CACNB2: variants seen among roughly 807,000 people sequenced by gnomAD.
The protein encoded by CACNB2 is voltage-dependent L-type calcium channel subunit beta-2.
Under a neutral mutation model 73.3 loss-of-function variants are expected in CACNB2, and 42 were observed. The observed-to-expected ratio is 0.57, with a 90% CI of 0.45 to 0.74. The LOEUF (loss-of-function observed/expected upper bound fraction) is 0.74, where lower values mean the gene tolerates loss of function less well. Among genes scored for constraint, CACNB2 ranks in the 30% least tolerant of loss-of-function variants. The pLI is 0.00. For synonymous variants in CACNB2, 348 were observed against 310.3 expected, an observed-to-expected ratio of 1.12 and a Z score of -1.28; for missense variants, 940 against 853.0, an observed-to-expected ratio of 1.10 and a Z score of -1.27.
At chr10:18,221,025 C>G (rs536723173) in intron 2 of CACNB2, among the ~76,000 whole-genome samples, 67 of 152,232 alleles carry the variant, frequency 4.4e-4, no homozygotes, top group African/African-American at 1.6e-3. Context: ...AGAAATCAAC[C>G]TGGATGGGGG....
chr10:18,517,952 C>T (rs2051444741), intron 7 of CACNB2, among the ~76,000 whole-genome samples: 1 of 152,192 alleles, frequency 6.6e-6, no homozygotes, highest in Non-Finnish European at 1.5e-5. Flanking sequence ...ATCACTACAA[C>T]TCTTTAGAAA....
Position 18,443,530 on chromosome 10 carries a change from C to G in CACNB2, c.333+41487C>G, listed in dbSNP as rs558407896. Among the ~76,000 whole-genome samples, 8 of 152,232 alleles carry G rather than the reference C, an allele frequency of 5.3e-5. No homozygotes were observed. The East Asian group carries it at 1.5e-3, about 29-fold the overall frequency. On this transcript the variant is annotated intron_variant, in intron 3 of 13. Transcript: ENST00000324631. ...AGGGGAAAGTGTAGACCCAACTCCT[C>G]AGATTGTCTTAAATAATTTGAGTAA...
chr10:18,491,258 A>G (rs529642186), intron 3 of CACNB2, among the ~76,000 whole-genome samples: 1 of 152,304 alleles, frequency 6.6e-6, no homozygotes, highest in South Asian at 2.1e-4. Context: ...GAGCTGAACC[A>G]TGCCCCAGGG....
At chr10:18,409,366 G>A (rs991888527) in intron 3 of CACNB2, among the ~76,000 whole-genome samples, 6 of 151,322 alleles carry the variant, frequency 4.0e-5, no homozygotes, top group Non-Finnish European at 8.8e-5. Context: ...TTGAACTCCT[G>A]GGCTCAAGTA....
intron 2 of CACNB2, among the ~76,000 whole-genome samples, chr10:18,338,863 C>A (rs904914973): frequency 9.9e-5 from 15 of 151,588 alleles, no homozygotes; most frequent in Non-Finnish European, 1.9e-4. Context: ...CTCAGCCTCC[C>A]AAGTAGCTGG....
intron 3 of CACNB2, among the ~76,000 whole-genome samples, chr10:18,443,000 G>GTATA (rs1175184436): frequency 0.02 from 76 of 3,788 alleles, 5 homozygotes; most frequent in East Asian, 0.054. Context: ...ATATATATGT[G>GTATA]TATATATATA....
chr10:18,290,433 T>A (rs2039018572), intron 2 of CACNB2, among the ~76,000 whole-genome samples: 1 of 152,140 alleles, frequency 6.6e-6, no homozygotes, highest in African/African-American at 2.4e-5. Flanking sequence ...AAAAGTGACA[T>A]CCAGTTTCTG....
intron 2 of CACNB2, among the ~76,000 whole-genome samples, chr10:18,159,869 A>C (rs553560323): frequency 6.6e-6 from 1 of 152,260 alleles, no homozygotes; most frequent in South Asian, 2.1e-4. Flanking sequence ...AATTCAGTAG[A>C]TTTATTGCCA....
At chr10:18,442,948 ATATATATATG>A (rs2046505769) in intron 3 of CACNB2, among the ~76,000 whole-genome samples, 3 of 35,574 alleles carry the variant, frequency 8.4e-5, no homozygotes, top group East Asian at 2.4e-3. Context: ...ATATGTGTAT[ATATATATATG>A]TATATATATA....
chr10:18,378,427 C>T (rs551787859), intron 2 of CACNB2, among the ~76,000 whole-genome samples: 6 of 152,082 alleles, frequency 3.9e-5, no homozygotes, highest in African/African-American at 1.4e-4. Context: ...AAAATATGTA[C>T]GTCAATTAAT....
intron 2 of CACNB2, among the ~76,000 whole-genome samples, chr10:18,374,367 G>T (rs1250572872): frequency 1.3e-5 from 2 of 152,160 alleles, no homozygotes; most frequent in Non-Finnish European, 2.9e-5. Flanking sequence ...AGAAAGAGAG[G>T]TGTCCCCTGT....
intron 2 of CACNB2, among the ~76,000 whole-genome samples, chr10:18,157,876 G>C (rs2032173617): frequency 6.6e-6 from 1 of 152,306 alleles, no homozygotes; most frequent in Non-Finnish European, 1.5e-5. Flanking sequence ...GTACCGGAAA[G>C]TGAGAATGTC....
intron 3 of CACNB2, among the ~76,000 whole-genome samples, chr10:18,472,268 GCT>G (rs1241470008): frequency 1.5e-5 from 2 of 129,750 alleles, no homozygotes; most frequent in African/African-American, 3.0e-5. Flanking sequence ...ATGGAGTCTC[GCT>G]CTGTCACCCA....
intron 3 of CACNB2, among the ~76,000 whole-genome samples, chr10:18,450,604 C>T (rs1367330789): frequency 6.6e-6 from 1 of 151,418 alleles, no homozygotes; most frequent in Non-Finnish European, 1.5e-5. Context: ...ATGACCCTCG[C>T]CAGCTCCAGC....
intron 2 of CACNB2, among the ~76,000 whole-genome samples, chr10:18,317,570 C>G (rs1052967453): frequency 3.9e-5 from 6 of 152,088 alleles, no homozygotes; most frequent in Admixed American, 3.3e-4. Context: ...TGATTTTATT[C>G]TTTTTTATGG....
intron 2 of CACNB2, among the ~76,000 whole-genome samples, chr10:18,385,942 A>G (rs2043212307): frequency 6.6e-6 from 1 of 152,194 alleles, no homozygotes; most frequent in Admixed American, 6.5e-5. Context: ...ATATTCTTAT[A>G]TATATATCCT....
chr10:18,407,659 G>A (rs1055674577), intron 3 of CACNB2, among the ~76,000 whole-genome samples: 1 of 151,842 alleles, frequency 6.6e-6, no homozygotes, highest in Non-Finnish European at 1.5e-5. Flanking sequence ...CTGGCTCTCT[G>A]GTTTGTGCGA....
intron 2 of CACNB2, among the ~76,000 whole-genome samples, chr10:18,383,707 G>C (rs1423579445): frequency 7.2e-6 from 1 of 139,468 alleles, no homozygotes; most frequent in Non-Finnish European, 1.6e-5. Flanking sequence ...AGCGAATAGA[G>C]TGCCATTGTT....
chr10:18,145,641 A>C (rs2030888420), intron 1 of CACNB2, among the ~76,000 whole-genome samples: 1 of 152,194 alleles, frequency 6.6e-6, no homozygotes, highest in Admixed American at 6.5e-5. Flanking sequence ...AGAGAAGCTA[A>C]GCAAAATATG....
Sources: allele counts gnomAD v4.1 joint callset (sites outside exome capture counted in the v4.1 genomes callset), GRCh38; gene constraint gnomAD v4.1.1; transcripts MANE v1.5; gene names NCBI Gene and HGNC (gene_info 2026-07-23, HGNC 2026-07-21).